The following AXIN1 variants were observed in gnomAD, a reference collection of about 807,000 sequenced individuals.
AXIN1 encodes the protein axin 1.
AXIN1 carries 30 observed loss-of-function variants against 76.4 expected under a neutral mutation model. That is an observed-to-expected ratio of 0.39 (90% CI 0.29 to 0.53). The LOEUF is 0.53. Ranked by LOEUF, AXIN1 falls within the 20% of genes least tolerant of loss-of-function variation. AXIN1 has a pLI of 0.66. For synonymous variants in AXIN1, 545 were observed against 501.4 expected (o/e 1.09, Z -1.16); for missense variants, 1,140 against 1,198.8 (o/e 0.95, Z 0.72).
At position 332,602 on chromosome 16, in the gene AXIN1, A is replaced by AC. The variant is rs553790006; in HGVS notation, c.878+13545_878+13546insG. On this transcript the variant is annotated intron_variant, in intron 2 of 10. Coordinates refer to ENST00000262320, the MANE Select transcript of AXIN1 (RefSeq NM_003502.4). ...AAAAAAAAAAGAAAACAAAAAAAAA[A>AC]TTACACTTAACATCTTAACATCTCC... is the stretch of plus-strand genomic sequence containing the variant. Among the ~76,000 whole-genome samples, 56 of 151,042 alleles carry AC rather than the reference A, an allele frequency of 3.7e-4. 1 individual carries two copies. The East Asian group carries it at 0.011, about 29-fold the overall frequency.
At chr16:314,721 GC>G (rs1567281745) in intron 2 of AXIN1, 38 bp from the exon 3 acceptor site, 5 of 1,610,984 alleles carry the variant, frequency 3.1e-6, no homozygotes, top group South Asian at 2.2e-5. Flanking sequence ...GTGACAGCCT[GC>G]CAACAGCCTC....
At chr16:296,835 G>A (rs2052723285) in intron 7 of AXIN1, among the ~76,000 whole-genome samples, 1 of 152,156 alleles carries the variant, frequency 6.6e-6, no homozygotes, top group Non-Finnish European at 1.5e-5. Context: ...CGGGGCTTCA[G>A]GGACAGCCTC....
chr16:318,821 C>T (rs992737938), intron 2 of AXIN1, among the ~76,000 whole-genome samples: 1 of 152,224 alleles, frequency 6.6e-6, no homozygotes, highest in Admixed American at 6.5e-5. Flanking sequence ...ATGCTGACCC[C>T]TGGCTGTGTG....
At position 290,214 on chromosome 16, in the gene AXIN1, C is replaced by T. The variant is rs952253092; in HGVS notation, c.2295-607G>A. The T allele has an allele frequency of 7.3e-5, 12 of 164,452 alleles. No individual in the cohort carries two copies. In the East Asian group the frequency reaches 1.3e-3, roughly 17 times the overall value. 10.2% of individuals were successfully genotyped at this position (164,452 alleles called of 1,614,324 possible). On this transcript the variant is annotated intron_variant, in intron 9 of 10. Transcript: ENST00000262320. ...CGCACCCCCCACTCGGCTACCCCGCCGCCACCTGTCCTTCAAGTGACTCCA... is the reference window on the plus strand; with the variant it reads ...CGCACCCCCCACTCGGCTACCCCGCTGCCACCTGTCCTTCAAGTGACTCCA...
chr16:297,317 A>T lies in AXIN1; in HGVS notation c.1785-91T>A. 6 of 1,552,772 alleles carry T rather than the reference A, an allele frequency of 3.9e-6. No homozygotes were observed. The South Asian group carries it at 6.7e-5, about 17-fold the overall frequency. On this transcript the variant is annotated intron_variant, in intron 6 of 10. Transcript: ENST00000262320. ...TGCGAGGCCCCCTCCTGGCATCTGT[A>T]AGGCTCCCGTGGTGCAGCCGCCGCC...
chr16:289,475 C>A lies in AXIN1; in HGVS notation c.2427G>T (p.Gln809His). The change falls in exon 10 of 11, where the codon CAG becomes CAT. Residue 809 changes from glutamine (Q) to histidine (H), a missense_variant. By Grantham distance (24) the Gln-to-His change is conservative (BLOSUM62 0). Coordinates refer to ENST00000262320, the MANE Select transcript of AXIN1 (RefSeq NM_003502.4). ...LVRGRAVTLG[Q>H]FKELLTKKGS... ...CCTTTTTGGTCAGCAGCTCCTTGAA[C>A]TGGCCCAGGGTGACAGCGCGGCCCC... is the stretch of plus-strand genomic sequence containing the variant. The A allele has an allele frequency of 6.2e-7, 1 of 1,612,960 alleles. No homozygotes were observed. Among genetic ancestry groups the A allele is most frequent in the Non-Finnish European group, 8.5e-7 (1 of 1,180,016 alleles).
rs756690670 is a variant in AXIN1, at chr16:291,230, C to T, written c.2254G>A (p.Val752Met). 1.2e-5 allele frequency: 19 copies of T among 1,588,340 alleles called. No individual in the cohort carries two copies. Among genetic ancestry groups the T allele is most frequent in the South Asian group, 9.1e-5 (8 of 87,790 alleles). Reference sequence around the variant, plus strand: ...TCCATGTCCGACACGGCTGGTACCACGTGCAGCACCGGCGCGCACGCTGGC... The same window carrying T: ...TCCATGTCCGACACGGCTGGTACCATGTGCAGCACCGGCGCGCACGCTGGC... ...VRPACAPVLH[V>M]VPAVSDMELS... The change falls in exon 9 of 11, where the codon GTG becomes ATG. Residue 752 changes from valine to methionine, a missense_variant. By Grantham distance (21) the Val-to-Met change is conservative (BLOSUM62 1). This residue lies in a region of AXIN1 where 429 missense variants were observed against 405.8 expected (regional missense o/e 1.06). Coordinates refer to ENST00000262320, the MANE Select transcript of AXIN1 (RefSeq NM_003502.4).
chr16:343,422 C>A (rs2053968155), intron 2 of AXIN1, among the ~76,000 whole-genome samples: 2 of 152,234 alleles, frequency 1.3e-5, no homozygotes, highest in Admixed American at 1.3e-4. Flanking sequence ...CCAGCCGGGG[C>A]CGGGCGCAGT....
At chr16:342,917 C>G (rs995684237) in intron 2 of AXIN1, among the ~76,000 whole-genome samples, 8 of 152,234 alleles carry the variant, frequency 5.3e-5, no homozygotes, top group Admixed American at 4.6e-4. Flanking sequence ...GGGTGGGTTT[C>G]CACGACTTCC....
chr16:288,883 A>C (rs545962034), intron 10 of AXIN1, among the ~76,000 whole-genome samples: 1 of 152,210 alleles, frequency 6.6e-6, no homozygotes, highest in African/African-American at 2.4e-5. Context: ...GCCTAACACA[A>C]GGTTCAGACC....
chr16:351,489 T>C (rs1422606989), intron 1 of AXIN1, among the ~76,000 whole-genome samples: 2 of 151,846 alleles, frequency 1.3e-5, no homozygotes, highest in African/African-American at 4.8e-5. Context: ...GCATGCCTGT[T>C]ATCCCAGCTA....
chr16:345,158 A>AG (rs139436980), intron 2 of AXIN1, among the ~76,000 whole-genome samples: 4,866 of 152,242 alleles, frequency 0.032, 235 homozygotes, highest in African/African-American at 0.11. Flanking sequence ...ACGAAGAAAC[A>AG]GGTTCCAAGG....
At chr16:323,501 G>T (rs2053509086) in intron 2 of AXIN1, among the ~76,000 whole-genome samples, 1 of 151,142 alleles carries the variant, frequency 6.6e-6, no homozygotes, top group African/African-American at 2.4e-5. Flanking sequence ...AACAAAACAG[G>T]CGGGGCACGG....
In AXIN1 at chr16:303,024, G is replaced by A. The variant is rs73486239; in HGVS notation, c.1254+1280C>T. Reference sequence around the variant, plus strand: ...CCACAGGTGTGTGCCACCACGCCCAGCTAATTTTGAAATTTTTTCTAGAGA... The same window carrying A: ...CCACAGGTGTGTGCCACCACGCCCAACTAATTTTGAAATTTTTTCTAGAGA... On this transcript the variant is annotated intron_variant, in intron 5 of 10. Coordinates refer to ENST00000262320, the MANE Select transcript of AXIN1 (RefSeq NM_003502.4). Among the ~76,000 whole-genome samples, 921 of 152,252 alleles carry A rather than the reference G, an allele frequency of 6.0e-3. 14 individuals are homozygous for A. Among genetic ancestry groups the A allele is most frequent in the African/African-American group, 0.02 (848 of 41,550 alleles).
rs1345953002 is a variant in AXIN1, at chr16:346,401, C to T, written c.625G>A (p.Glu209Lys). Residue 209 changes from glutamate to lysine, a missense_variant, in exon 2 of 11, where the codon GAA (glutamate) becomes AAA (lysine). Around this residue, in one of 3 missense-constraint regions of AXIN1, gnomAD observed 708 missense variants for 776.9 expected, o/e 0.91. Transcript: ENST00000262320. ...PSFLKSDIYL[E>K]YTRTGSESPK... ...CTCTCCGAGCCTGTCCTCGTATATTCCAAATAAATATCAGACTTAAGGAAG... is the reference window on the plus strand; with the variant it reads ...CTCTCCGAGCCTGTCCTCGTATATTTCAAATAAATATCAGACTTAAGGAAG... 6.2e-7 allele frequency: 1 copy of T among 1,614,216 alleles called. No individual in the cohort carries two copies. The highest frequency in any genetic ancestry group is 1.7e-5 in the Admixed American group (1 of 60,022).
intron 2 of AXIN1, among the ~76,000 whole-genome samples, chr16:332,212 G>A (rs1454859358): frequency 6.6e-6 from 1 of 152,212 alleles, no homozygotes; most frequent in Non-Finnish European, 1.5e-5. Flanking sequence ...TCCAAGGACA[G>A]TTTAGAGAAC....
At chr16:333,014 G>C (rs1208690580) in intron 2 of AXIN1, among the ~76,000 whole-genome samples, 1 of 152,100 alleles carries the variant, frequency 6.6e-6, no homozygotes, top group Non-Finnish European at 1.5e-5. Context: ...GGGAGACCTT[G>C]TCTCTACAAA....
At chr16:302,926 G>A (rs1433476681) in intron 5 of AXIN1, among the ~76,000 whole-genome samples, 3 of 151,902 alleles carry the variant, frequency 2.0e-5, no homozygotes, top group African/African-American at 7.3e-5. Flanking sequence ...CAGTGGCACA[G>A]CCTCGGCTCA....
Position 287,567 on chromosome 16 carries a change from A to G in AXIN1, c.*555T>C. 3 of 310,928 alleles carry G rather than the reference A, an allele frequency of 9.6e-6. No homozygotes were observed. The highest frequency in any genetic ancestry group is 1.8e-5 in the Non-Finnish European group (3 of 166,800). The allele number at this position is 310,928 out of a possible 1,614,324, so 19.3% of individuals were successfully genotyped here. On this transcript the variant is annotated 3_prime_UTR_variant, in exon 11 of 11. Transcript: ENST00000262320. The stretch of plus-strand genomic sequence containing the variant: ...TGCTGGCCTAGCCTGAGAAATGTAC[A>G]TATTTACACGGGCCCTCAGAAAGGA...
Sources: gnomAD v4.1 joint callset for allele counts (sites outside exome capture counted in the v4.1 genomes callset) on GRCh38, gnomAD v4.1.1 for gene constraint, gnomAD v4.1.1 regional missense constraint, MANE v1.5 for transcripts, NCBI Gene and HGNC (gene_info 2026-07-23, HGNC 2026-07-21) for gene names.